The following DOLPP1 variants were observed in gnomAD, a reference collection of about 807,000 sequenced individuals.
The protein encoded by DOLPP1 is dolichyldiphosphatase 1.
In DOLPP1, 15 loss-of-function variants were observed where a neutral mutation model predicts 34.1. That is an observed-to-expected ratio of 0.44 (90% CI 0.29 to 0.68). The LOEUF is 0.68. Ranked by LOEUF, DOLPP1 falls within the 30% of genes least tolerant of loss-of-function variation. The probability of loss-of-function intolerance (pLI) is 0.12; values close to 1 mark genes in which losing one functional copy is unlikely to be tolerated. For synonymous variants in DOLPP1, 130 were observed against 128.2 expected (o/e 1.01, Z -0.10); for missense variants, 249 against 307.1 (o/e 0.81, Z 1.41).
At chr9:129,083,581 C>T (rs544013027) in intron 1 of DOLPP1, among the ~76,000 whole-genome samples, 17 of 152,302 alleles carry the variant, frequency 1.1e-4, no homozygotes, top group Non-Finnish European at 2.4e-4. Flanking sequence ...GGGCTCAGCC[C>T]TCTGTGGACA....
chr9:129,084,942 G>A (rs1314894601), intron 2 of DOLPP1, 81 bp from the exon 3 acceptor site: 12 of 1,488,158 alleles, frequency 8.1e-6, no homozygotes, highest in Non-Finnish European at 1.0e-5. Context: ...GGGAGGTTCA[G>A]TCAGAGGCCA....
intron 2 of DOLPP1, 104 bp downstream of exon 2, chr9:129,084,872 C>A: frequency 1.6e-6 from 2 of 1,261,444 alleles, no homozygotes; most frequent in Non-Finnish European, 2.3e-6. Context: ...TCCCTGCGTC[C>A]ACCTGTCTTG....
chr9:129,084,652 TTC>T lies in DOLPP1; in HGVS notation c.77-12_77-11del. 1 of 1,555,820 alleles carries T rather than the reference TTC, an allele frequency of 6.4e-7. No homozygotes were observed. The highest frequency in any genetic ancestry group is 1.1e-5 in the South Asian group (1 of 89,990). The stretch of plus-strand genomic sequence containing the variant: ...CCTGTGCCCTGTCCTCCTGATTCTG[TTC>T]TCTGTCTTGCCAGGTGATCTCTCTG... On this transcript the variant is annotated splice_polypyrimidine_tract_variant and intron_variant, in intron 1 of 7. Coordinates refer to ENST00000372546, the MANE Select transcript of DOLPP1 (RefSeq NM_020438.5).
chr9:129,083,320 T>C (rs1213186962), intron 1 of DOLPP1, among the ~76,000 whole-genome samples: 3 of 152,176 alleles, frequency 2.0e-5, no homozygotes, highest in Non-Finnish European at 4.4e-5. Flanking sequence ...AGTCACTCAC[T>C]ATCTTCATAG....
At chr9:129,084,828 G>A in intron 2 of DOLPP1, 60 bp downstream of exon 2, 1 of 1,208,796 alleles carries the variant, frequency 8.3e-7, no homozygotes, top group Non-Finnish European at 1.2e-6. Context: ...CCCTGCTTTG[G>A]GAAGCCCGTC....
chr9:129,081,276 T>C, intron 1 of DOLPP1, 69 bp downstream of exon 1: 1 of 1,576,568 alleles, frequency 6.3e-7, no homozygotes, highest in Non-Finnish European at 8.6e-7. Flanking sequence ...CGCTCCGGCC[T>C]GCTCGAGCCC....
intron 1 of DOLPP1, among the ~76,000 whole-genome samples, chr9:129,081,935 G>A (rs1316997901): frequency 1.3e-5 from 2 of 152,234 alleles, no homozygotes; most frequent in Non-Finnish European, 2.9e-5. Flanking sequence ...TTGTGCAGGT[G>A]CCTGCCTCTG....
intron 7 of DOLPP1, 138 bp from the exon 8 acceptor site, chr9:129,088,833 T>G (rs984292227): frequency 5.1e-6 from 4 of 778,318 alleles, no homozygotes; most frequent in South Asian, 4.6e-5. Flanking sequence ...GGTGCTCTGA[T>G]TGGCCCAGTT....
chr9:129,086,523 C>G (rs1846993178), intron 6 of DOLPP1, among the ~76,000 whole-genome samples, 186 bp from the exon 7 acceptor site: 1 of 152,178 alleles, frequency 6.6e-6, no homozygotes, highest in African/African-American at 2.4e-5. Flanking sequence ...GGGACAGTGC[C>G]CCTGCCTGAG....
chr9:129,082,491 C>T (rs532949730), intron 1 of DOLPP1, among the ~76,000 whole-genome samples: 1 of 152,332 alleles, frequency 6.6e-6, no homozygotes, highest in East Asian at 1.9e-4. Context: ...AAGAGGAAAG[C>T]CAAAGCCTGG....
chr9:129,086,882 G>A (rs932480809), intron 7 of DOLPP1, 84 bp downstream of exon 7: 168 of 1,197,434 alleles, frequency 1.4e-4, no homozygotes, highest in Non-Finnish European at 1.9e-4. Context: ...CGGGAGCCTC[G>A]CGCCTGCCTA....
At chr9:129,086,821 C>T (rs1415862963) in intron 7 of DOLPP1, 23 bp downstream of exon 7, 1 of 1,605,262 alleles carries the variant, frequency 6.2e-7, no homozygotes, top group East Asian at 2.2e-5. Context: ...GACAGCAGTG[C>T]TCACTGGGCC....
At position 129,084,654 on chromosome 9, in the gene DOLPP1, C is replaced by T. The variant is rs1415244554; in HGVS notation, c.77-14C>T. 1 of 1,563,932 alleles carries T rather than the reference C, an allele frequency of 6.4e-7. No homozygotes were observed. The highest frequency in any genetic ancestry group is 8.8e-7 in the Non-Finnish European group (1 of 1,133,606). On this transcript the variant is annotated splice_polypyrimidine_tract_variant and intron_variant, in intron 1 of 7. Coordinates refer to ENST00000372546, the MANE Select transcript of DOLPP1 (RefSeq NM_020438.5). ...TGTGCCCTGTCCTCCTGATTCTGTTCTCTGTCTTGCCAGGTGATCTCTCTG... is the reference window on the plus strand; with the variant it reads ...TGTGCCCTGTCCTCCTGATTCTGTTTTCTGTCTTGCCAGGTGATCTCTCTG...
chr9:129,085,282 A>G lies in DOLPP1; in HGVS notation c.338A>G (p.Tyr113Cys). Residue 113 changes from tyrosine to cysteine, a missense_variant, in exon 4 of 8, where the codon TAT becomes TGT. Physicochemically the swap from Tyr to Cys is radical, Grantham distance 194. Transcript: ENST00000372546. This position sits in a 1 kb window ranked among gnomAD's most constrained non-coding sequence, Gnocchi z 7.0. ...HSQFMWFFSV[Y>C]SFLFLYLRMH... ...CAGTTTATGTGGTTCTTCTCCGTCT[A>G]TTCCTTCCTTTTCCTGTATTTAAGG... 2 of 1,613,972 alleles carry G rather than the reference A, an allele frequency of 1.2e-6. No homozygotes were observed. The highest frequency in any genetic ancestry group is 1.7e-6 in the Non-Finnish European group (2 of 1,179,970).
At chr9:129,088,228 G>A (rs1395065955) in intron 7 of DOLPP1, among the ~76,000 whole-genome samples, 4 of 151,550 alleles carry the variant, frequency 2.6e-5, no homozygotes, top group Non-Finnish European at 5.9e-5. Context: ...CAGAGGGAAG[G>A]GCATGCACAA....
intron 6 of DOLPP1, 106 bp from the exon 7 acceptor site, chr9:129,086,603 G>C: frequency 8.6e-7 from 1 of 1,163,712 alleles, no homozygotes; most frequent in Admixed American, 1.8e-5. Context: ...ACTCTAGGCA[G>C]TCGGGGCGGG....
chr9:129,088,704 C>G (rs1007527115), intron 7 of DOLPP1, among the ~76,000 whole-genome samples: 1 of 152,212 alleles, frequency 6.6e-6, no homozygotes, highest in Non-Finnish European at 1.5e-5. Flanking sequence ...GTAGTCTCAT[C>G]CTGGTCCCTA....
At chr9:129,082,560 G>C (rs1168464269) in intron 1 of DOLPP1, among the ~76,000 whole-genome samples, 1 of 152,216 alleles carries the variant, frequency 6.6e-6, no homozygotes, top group African/African-American at 2.4e-5. Flanking sequence ...CCTGGCCTCA[G>C]AGTAGCTTCT....
intron 1 of DOLPP1, among the ~76,000 whole-genome samples, chr9:129,083,601 C>T (rs1846929988): frequency 6.6e-6 from 1 of 152,180 alleles, no homozygotes. Flanking sequence ...AACTTCCCTG[C>T]TGCTTGTGTG....
Sources: allele counts gnomAD v4.1 joint callset (sites outside exome capture counted in the v4.1 genomes callset), GRCh38; gene constraint gnomAD v4.1.1; non-coding constraint Gnocchi (gnomAD v3.1); transcripts MANE v1.5; gene names NCBI Gene and HGNC (gene_info 2026-07-23, HGNC 2026-07-21).